Variants in CELF1 observed in about 807,000 individuals in gnomAD.
The protein encoded by CELF1 is 50 kDa nuclear polyadenylated RNA-binding protein.
A neutral mutation model predicts 61.8 loss-of-function variants in CELF1; 10 were observed. The ratio of observed to expected loss-of-function variants is 0.16; its 90% CI spans 0.10 to 0.27. The LOEUF is 0.27. CELF1 is among the 10% of genes least tolerant of loss of function. The probability of loss-of-function intolerance (pLI) is 1.00; values close to 1 mark genes in which losing one functional copy is unlikely to be tolerated. For missense variants in CELF1, 380 were observed against 639.1 expected (o/e 0.59, Z 4.37); for synonymous variants, 236 against 225.1 (o/e 1.05, Z -0.43).
rs367838475 is a variant in CELF1, at chr11:47,478,906, T to C, written c.815A>G (p.Asn272Ser). 32 of 1,613,058 alleles carry C rather than the reference T, an allele frequency of 2.0e-5. No homozygotes were observed. The highest frequency in any genetic ancestry group is 1.1e-4 in the African/African-American group (8 of 74,884). The part of the protein sequence containing the change: ...LQQTASSGNL[N>S]TLSSLHPMGG... Reference sequence around the variant, plus strand: ...CATTGGGTGGAGGCTGCTCAGGGTGTTGAGGTTCCCAGAGGAGGCAGTCTG... The same window carrying C: ...CATTGGGTGGAGGCTGCTCAGGGTGCTGAGGTTCCCAGAGGAGGCAGTCTG... Residue 272 changes from asparagine to serine, a missense_variant, in exon 10 of 15, where the codon AAC (asparagine) becomes AGC (serine). Transcript: ENST00000687097.
intron 1 of CELF1, among the ~76,000 whole-genome samples, chr11:47,528,944 AGGCTAGAGTCCAGT>A (rs1423260717): frequency 1.3e-5 from 2 of 151,806 alleles, no homozygotes; most frequent in African/African-American, 2.4e-5. Flanking sequence ...TCTGTCTCCC[AGGCTAGAGTCCAGT>A]GGCAGGATCA....
intron 10 of CELF1, among the ~76,000 whole-genome samples, chr11:47,478,395 C>T (rs183370085): frequency 3.9e-5 from 6 of 152,198 alleles, no homozygotes; most frequent in South Asian, 2.1e-4. Context: ...TTTCTGTGTA[C>T]GATAATAGCA....
chr11:47,494,337 A>T (rs2092608836), intron 3 of CELF1: 6 of 947,468 alleles, frequency 6.3e-6, no homozygotes, highest in Non-Finnish European at 7.5e-6. Context: ...ATACCTGAGG[A>T]GGTAGTTACT....
intron 9 of CELF1, 44 bp downstream of exon 9, chr11:47,482,651 T>C: frequency 6.3e-7 from 1 of 1,575,642 alleles, no homozygotes; most frequent in Non-Finnish European, 8.7e-7. Context: ...AAGGAACAGC[T>C]GGGAGCTTGC....
At chr11:47,540,843 C>A (rs927852137) in intron 1 of CELF1, among the ~76,000 whole-genome samples, 1 of 152,202 alleles carries the variant, frequency 6.6e-6, no homozygotes, top group East Asian at 1.9e-4. Context: ...CGAGATCGCG[C>A]CACTGGACTC....
chr11:47,506,789 T>C (rs1225316788), intron 1 of CELF1: 4 of 152,366 alleles, frequency 2.6e-5, no homozygotes. Context: ...CATATCTGCA[T>C]AGCAGGCCTC....
chr11:47,553,985 G>T (rs893292249), upstream of CELF1, among the ~76,000 whole-genome samples: 1 of 151,990 alleles, frequency 6.6e-6, no homozygotes, highest in Admixed American at 6.6e-5. Context: ...GTTAAATGCA[G>T]ATTAAGAAAG....
intron 14 of CELF1, 67 bp downstream of exon 14, chr11:47,473,021 G>A: frequency 1.3e-6 from 2 of 1,544,036 alleles, no homozygotes; most frequent in Non-Finnish European, 1.8e-6. Flanking sequence ...TCTTTCTGCA[G>A]TGAGCTCCTT....
chr11:47,529,704 T>C (rs1215094607), intron 1 of CELF1, among the ~76,000 whole-genome samples: 1 of 150,558 alleles, frequency 6.6e-6, no homozygotes, highest in African/African-American at 2.4e-5. Context: ...ACCTGTAATC[T>C]CAGCTACTGG....
intron 1 of CELF1, chr11:47,514,745 C>T (rs1360037868): frequency 6.6e-6 from 1 of 151,622 alleles, no homozygotes; most frequent in Non-Finnish European, 1.5e-5. Flanking sequence ...GCCTGTAGCC[C>T]TAATTTGGAT....
chr11:47,489,126 A>G lies in CELF1; in HGVS notation c.72-102T>C, dbSNP rs563111702. The G allele has an allele frequency of 7.8e-5, 77 of 993,136 alleles. No individual in the cohort carries two copies. In the African/African-American group the frequency reaches 1.2e-3, roughly 16 times the overall value. The allele number at this position is 993,136 out of a possible 1,614,324, so 61.5% of individuals were successfully genotyped here. ...TTAACTAGTTCTGAGAACGTAAGGG[A>G]AAAAAAATCTACTTCTTTCACTACT... On this transcript the variant is annotated intron_variant, in intron 3 of 14. Coordinates refer to ENST00000687097, the MANE Select transcript of CELF1 (RefSeq NM_001376376.1).
At chr11:47,509,347 A>G (rs1458807732) in intron 1 of CELF1, among the ~76,000 whole-genome samples, 1 of 152,152 alleles carries the variant, frequency 6.6e-6, no homozygotes, top group East Asian at 1.9e-4. Flanking sequence ...TCTCTATCAC[A>G]ATGCAAGAAC....
intron 2 of CELF1, among the ~76,000 whole-genome samples, chr11:47,563,304 A>G (rs1345209185): frequency 6.6e-6 from 1 of 152,164 alleles, no homozygotes; most frequent in African/African-American, 2.4e-5. Flanking sequence ...GCAGGTTAGT[A>G]GTGTTTGCCT....
chr11:47,552,651 G>C (rs980593721), intron 1 of CELF1, among the ~76,000 whole-genome samples: 6 of 152,240 alleles, frequency 3.9e-5, no homozygotes, highest in African/African-American at 1.2e-4. Flanking sequence ...AGAAAGACGA[G>C]GAAAACGGAG....
At chr11:47,549,253 A>G (rs976267235) in intron 1 of CELF1, among the ~76,000 whole-genome samples, 2 of 152,218 alleles carry the variant, frequency 1.3e-5, no homozygotes, top group Non-Finnish European at 2.9e-5. Flanking sequence ...AGTGGCCTAG[A>G]TTCTTTCAAA....
At position 47,531,981 on chromosome 11, in the gene CELF1, C is replaced by G. The variant is rs367651347; in HGVS notation, c.-154+21011G>C. ...CAAGCATGACTTAAATGGAGATAAA[C>G]AGGCTACTGAAAAACATTTGGGAAT... On this transcript the variant is annotated intron_variant, in intron 1 of 14. Transcript: ENST00000687097. 6.6e-4 allele frequency among the ~76,000 whole-genome samples: 100 copies of G among 152,154 alleles called. 1 individual carries two copies. Among genetic ancestry groups the G allele is most frequent in the African/African-American group, 2.4e-3 (98 of 41,526 alleles).
intron 3 of CELF1, among the ~76,000 whole-genome samples, chr11:47,489,996 T>C: frequency 7.2e-6 from 1 of 138,666 alleles, no homozygotes; most frequent in South Asian, 2.5e-4. Context: ...TGGAGTGTAA[T>C]GGCCTGATCT....
At chr11:47,524,543 C>T (rs2096135165) in intron 1 of CELF1, 1 of 152,272 alleles carries the variant, frequency 6.6e-6, no homozygotes, top group African/African-American at 2.4e-5. Context: ...TTGAAAACCT[C>T]AGTCCTCCAC....
At chr11:47,558,686 T>A (rs1457760510) in intron 2 of CELF1, among the ~76,000 whole-genome samples, 1 of 98,282 alleles carries the variant, frequency 1.0e-5, no homozygotes, top group East Asian at 2.7e-4. Flanking sequence ...TGTAATATAT[T>A]ATATATAATA....
Sources: allele counts gnomAD v4.1 joint callset (sites outside exome capture counted in the v4.1 genomes callset), GRCh38; gene constraint gnomAD v4.1.1; transcripts MANE v1.5; gene names NCBI Gene and HGNC (gene_info 2026-07-23, HGNC 2026-07-21).